Variants in ARID3A observed in about 807,000 individuals in gnomAD.
ARID3A encodes the protein AT-rich interactive domain-containing protein 3A.
In ARID3A, 11 loss-of-function variants were observed where a neutral mutation model predicts 52.7. That is an observed-to-expected ratio of 0.21 (90% CI 0.13 to 0.35). The LOEUF (loss-of-function observed/expected upper bound fraction) is 0.35, where lower values mean the gene tolerates loss of function less well. ARID3A is among the 10% of genes least tolerant of loss of function. The pLI, the probability that ARID3A is intolerant of heterozygous loss-of-function variation, is 1.00. For synonymous variants in ARID3A, 404 were observed against 359.4 expected (o/e 1.12, Z -1.40); for missense variants, 721 against 838.5 (o/e 0.86, Z 1.73).
intron 3 of ARID3A, among the ~76,000 whole-genome samples, chr19:957,377 C>A (rs1471336463): frequency 5.3e-5 from 8 of 152,218 alleles, no homozygotes; most frequent in Non-Finnish European, 1.2e-4. Context: ...GGCTCTGGTC[C>A]CGCACTCGCC....
intron 3 of ARID3A, among the ~76,000 whole-genome samples, chr19:954,780 G>A (rs988591012): frequency 1.3e-5 from 2 of 151,718 alleles, no homozygotes; most frequent in Admixed American, 6.6e-5. Context: ...AGAAGGCCTC[G>A]CAGACGGGAG....
rs188888721 is a variant in ARID3A, at chr19:960,462, G to A, written c.766+298G>A. On this transcript the variant is annotated intron_variant, in intron 4 of 8. Coordinates refer to ENST00000263620, the MANE Select transcript of ARID3A (RefSeq NM_005224.3). This position sits in a 1 kb window ranked among gnomAD's most constrained non-coding sequence, Gnocchi z 4.3. ...TCCAGGTCATCTCCTTAGCATCCAG[G>A]GTGCAGTGAAGTGGGGGTCCCCACT... Among the ~76,000 whole-genome samples the A allele has an allele frequency of 2.5e-3, 377 of 152,196 alleles. No homozygotes were observed. Among genetic ancestry groups the A allele is most frequent in the South Asian group, 0.017 (80 of 4,826 alleles).
chr19:936,009 C>T (rs2037432143), intron 3 of ARID3A, among the ~76,000 whole-genome samples: 1 of 150,058 alleles, frequency 6.7e-6, no homozygotes, highest in African/African-American at 2.5e-5. Flanking sequence ...CCAGGATGGT[C>T]TCGATCTCCT....
chr19:950,738 C>CT (rs1179734231), intron 3 of ARID3A, among the ~76,000 whole-genome samples: 1 of 152,196 alleles, frequency 6.6e-6, no homozygotes, highest in African/African-American at 2.4e-5. Flanking sequence ...ATTTACCATC[C>CT]TGGCTGCTTC....
chr19:967,466 G>A (rs553949718), intron 7 of ARID3A, among the ~76,000 whole-genome samples: 1 of 152,226 alleles, frequency 6.6e-6, no homozygotes, highest in African/African-American at 2.4e-5. Flanking sequence ...GGCTGAGATG[G>A]GAGGATCACT....
At chr19:953,088 G>A (rs1169358640) in intron 3 of ARID3A, among the ~76,000 whole-genome samples, 2 of 151,994 alleles carry the variant, frequency 1.3e-5, no homozygotes, top group African/African-American at 4.8e-5. Flanking sequence ...CCCAGAGCCG[G>A]TGGGCTGGGG....
intron 3 of ARID3A, among the ~76,000 whole-genome samples, chr19:956,161 C>T (rs1265040928): frequency 6.6e-6 from 1 of 152,144 alleles, no homozygotes; most frequent in Non-Finnish European, 1.5e-5. Context: ...TGGGGGATGG[C>T]GTTCACCCCA....
At position 959,716 on chromosome 19, in the gene ARID3A, GGA is replaced by G. The variant is rs561423636; in HGVS notation, c.694-367_694-366del. Reference sequence around the variant, plus strand: ...CCAGCAGGCTGGTGTCCTGAGAAGAGGAGAGAGAGACGGGGAGACGGTCTTGT... The same window carrying G: ...CCAGCAGGCTGGTGTCCTGAGAAGAGGAGAGAGACGGGGAGACGGTCTTGT... On this transcript the variant is annotated intron_variant, in intron 3 of 8. Coordinates refer to ENST00000263620, the MANE Select transcript of ARID3A (RefSeq NM_005224.3). This position sits in a 1 kb window ranked among gnomAD's most constrained non-coding sequence, Gnocchi z 5.0. 2.5e-3 allele frequency among the ~76,000 whole-genome samples: 379 copies of G among 152,080 alleles called. 13 individuals are homozygous for G. The highest frequency in any genetic ancestry group is 3.1e-3 in the Non-Finnish European group (210 of 67,964).
chr19:937,219 G>A (rs139954315), intron 3 of ARID3A, among the ~76,000 whole-genome samples: 12,189 of 150,934 alleles, frequency 0.081, 570 homozygotes, highest in East Asian at 0.21. Flanking sequence ...AGCCGAGATC[G>A]CGCCACTGCA....
rs1386566829 is a variant in ARID3A, at chr19:941,368, G to A, written c.693+8626G>A. On this transcript the variant is annotated intron_variant, in intron 3 of 8. Coordinates refer to ENST00000263620, the MANE Select transcript of ARID3A (RefSeq NM_005224.3). The surrounding 1 kb of genome is among the most constrained non-coding windows in gnomAD (Gnocchi z 6.9). ...GGACCCTCCAAGGCCTCTGCCCACC[G>A]GGCACCTGCTGGATTCTGTGGGTCT... is the stretch of plus-strand genomic sequence containing the variant. Among the ~76,000 whole-genome samples, 1 of 152,206 alleles carries A rather than the reference G, an allele frequency of 6.6e-6. No individual in the cohort carries two copies. The highest frequency in any genetic ancestry group is 2.4e-5 in the African/African-American group (1 of 41,458).
intron 3 of ARID3A, among the ~76,000 whole-genome samples, chr19:949,621 T>C (rs1467178627): frequency 5.3e-5 from 8 of 149,612 alleles, no homozygotes; most frequent in African/African-American, 2.0e-4. Context: ...TTCCCCTCCC[T>C]CCAGTGGATG....
intron 3 of ARID3A, among the ~76,000 whole-genome samples, chr19:945,805 G>A (rs1350176044): frequency 6.6e-6 from 1 of 152,210 alleles, no homozygotes; most frequent in Non-Finnish European, 1.5e-5. Flanking sequence ...GGCTCCTGCT[G>A]CTGGTGCTGG....
Position 961,594 on chromosome 19 carries a change from T to A in ARID3A, c.766+1430T>A, listed in dbSNP as rs1461957782. On this transcript the variant is annotated intron_variant, in intron 4 of 8. Coordinates refer to ENST00000263620, the MANE Select transcript of ARID3A (RefSeq NM_005224.3). ...CCGTTTTGCTGTTACCCGTGCCTGG[T>A]ACAGTGCCTGGTGTCCTGGGGGTAC... Among the ~76,000 whole-genome samples, 3 of 152,180 alleles carry A rather than the reference T, an allele frequency of 2.0e-5. No individual in the cohort carries two copies. In the East Asian group the frequency reaches 5.8e-4, roughly 29 times the overall value.
In ARID3A at chr19:958,761, C is replaced by T. The variant is rs369200054; in HGVS notation, c.694-1331C>T. Among the ~76,000 whole-genome samples, 122 of 152,034 alleles carry T rather than the reference C, an allele frequency of 8.0e-4. No homozygotes were observed. In the East Asian group the frequency reaches 0.016, roughly 19 times the overall value. On this transcript the variant is annotated intron_variant, in intron 3 of 8. Coordinates refer to ENST00000263620, the MANE Select transcript of ARID3A (RefSeq NM_005224.3). ...ACAAAAAATTATCCGGGCGTGGTGG[C>T]GGGCGCCTGTAGTCCCAGCTACTCG... is the stretch of plus-strand genomic sequence containing the variant.
At chr19:961,190 C>T (rs1013985565) in intron 4 of ARID3A, among the ~76,000 whole-genome samples, 1 of 152,162 alleles carries the variant, frequency 6.6e-6, no homozygotes. Flanking sequence ...GGGCTCTGTC[C>T]CTGCACTTGG....
chr19:958,445 A>G (rs1484691034), intron 3 of ARID3A, among the ~76,000 whole-genome samples: 1 of 135,710 alleles, frequency 7.4e-6, no homozygotes, highest in Admixed American at 7.4e-5. Flanking sequence ...AAAAAAAAAA[A>G]GAAGAAAGAA....
At position 973,686 on chromosome 19, in the gene ARID3A, TCTC is replaced by T. The variant is rs2038327372; in HGVS notation, c.*1623_*1625del. ...TTCTCCTCGCTCTGTCCCTTCCTCT[TCTC>T]CCAACCCCTTTTGTGCTGGGGCTGC... On this transcript the variant is annotated 3_prime_UTR_variant, in exon 9 of 9. Coordinates refer to ENST00000263620, the MANE Select transcript of ARID3A (RefSeq NM_005224.3). 4.4e-6 allele frequency: 1 copy of T among 226,976 alleles called. No homozygotes were observed. The highest frequency in any genetic ancestry group is 8.8e-6 in the Non-Finnish European group (1 of 114,224). The allele number at this position is 226,976 out of a possible 1,614,324, so 14.1% of individuals were successfully genotyped here.
chr19:953,461 C>G (rs1046050780), intron 3 of ARID3A, among the ~76,000 whole-genome samples: 1 of 149,676 alleles, frequency 6.7e-6, no homozygotes, highest in African/African-American at 2.5e-5. Context: ...CTCCCACCCC[C>G]CCAGGCCTCC....
At chr19:965,294 A>T in intron 6 of ARID3A, 2 of 578,684 alleles carry the variant, frequency 3.5e-6, no homozygotes, top group East Asian at 5.9e-5. Context: ...GCAGGCAGAC[A>T]TTGCTAATCA....
Sources: gnomAD v4.1 joint callset for allele counts (sites outside exome capture counted in the v4.1 genomes callset) on GRCh38, gnomAD v4.1.1 for gene constraint, Gnocchi (gnomAD v3.1) non-coding constraint, MANE v1.5 for transcripts, NCBI Gene and HGNC (gene_info 2026-07-23, HGNC 2026-07-21) for gene names.